COL21A1: variants seen among roughly 807,000 people sequenced by gnomAD.
The protein encoded by COL21A1 is collagen type XXI alpha 1 chain.
Under a neutral mutation model 137.9 loss-of-function variants are expected in COL21A1, and 149 were observed. The observed-to-expected ratio is 1.08, with a 90% CI of 0.95 to 1.24. The LOEUF is 1.24. Ranked by LOEUF, COL21A1 falls within the 50% of genes most tolerant of loss-of-function variation. COL21A1 has a pLI of 0.00. For synonymous variants in COL21A1, 456 were observed against 391.5 expected, an observed-to-expected ratio of 1.16 and a Z score of -1.95; for missense variants, 1,167 against 1,158.4, an observed-to-expected ratio of 1.01 and a Z score of -0.11.
chr6:56,264,196 A>T (rs1420938087), intron 1 of COL21A1, among the ~76,000 whole-genome samples: 1 of 152,244 alleles, frequency 6.6e-6, no homozygotes, highest in Non-Finnish European at 1.5e-5. Context: ...CAACATAAAC[A>T]TTTCAAATAA....
chr6:56,316,589 C>T (rs565518419), intron 1 of COL21A1, among the ~76,000 whole-genome samples: 1 of 134,994 alleles, frequency 7.4e-6, no homozygotes, highest in South Asian at 2.5e-4. Flanking sequence ...TCAAGTGATT[C>T]TTGTGCCTCC....
rs572377361 is a variant in COL21A1 at position 56,164,689 on chromosome 6, A to G, written c.1287+125T>C. 3.2e-5 allele frequency: 27 copies of G among 851,256 alleles called. No individual in the cohort carries two copies. In the African/African-American group the frequency reaches 3.9e-4, roughly 12 times the overall value. The allele number at this position is 851,256 out of a possible 1,614,324, so 52.7% of individuals were successfully genotyped here. On this transcript the variant is annotated intron_variant, in intron 8 of 29. Transcript: ENST00000244728. Reference sequence around the variant, plus strand: ...TCACAAAAATCTATAAATATTAAATACATTGAAGTTACATAAAAATGGGTT... The same window carrying G: ...TCACAAAAATCTATAAATATTAAATGCATTGAAGTTACATAAAAATGGGTT...
intron 17 of COL21A1, among the ~76,000 whole-genome samples, chr6:56,089,332 A>G (rs961249752): frequency 2.0e-5 from 3 of 152,176 alleles, no homozygotes; most frequent in Non-Finnish European, 4.4e-5. Context: ...AAATGGCACT[A>G]TGTATGTTCT....
intron 1 of COL21A1, among the ~76,000 whole-genome samples, chr6:56,264,946 A>T (rs1033693751): frequency 2.4e-4 from 36 of 152,192 alleles, no homozygotes; most frequent in African/African-American, 7.7e-4. Context: ...TTCTTCTACC[A>T]ATAGCAAAAA....
intron 1 of COL21A1, among the ~76,000 whole-genome samples, chr6:56,244,380 T>G (rs1182063264): frequency 1.3e-5 from 2 of 152,192 alleles, no homozygotes; most frequent in Non-Finnish European, 2.9e-5. Context: ...ATTTGATTAC[T>G]GAGAATCTGA....
intron 1 of COL21A1, among the ~76,000 whole-genome samples, chr6:56,308,564 G>A (rs1037330673): frequency 1.1e-4 from 17 of 152,186 alleles, no homozygotes; most frequent in African/African-American, 4.1e-4. Context: ...GTGGTTTCCA[G>A]GAACTGGGGA....
At chr6:56,093,785 T>C (rs1267410949) in intron 17 of COL21A1, among the ~76,000 whole-genome samples, 5 of 152,174 alleles carry the variant, frequency 3.3e-5, no homozygotes, top group Non-Finnish European at 7.3e-5. Context: ...TTTCTGCTGA[T>C]ATAACATTAT....
At chr6:56,202,231 G>A (rs553269197) in intron 1 of COL21A1, among the ~76,000 whole-genome samples, 45 of 152,236 alleles carry the variant, frequency 3.0e-4, no homozygotes, top group South Asian at 1.0e-3. Context: ...CAGGGGTAAA[G>A]GCATCATAGA....
intron 1 of COL21A1, among the ~76,000 whole-genome samples, chr6:56,344,541 TTCATG>T (rs1765545439): frequency 6.6e-6 from 1 of 152,212 alleles, no homozygotes; most frequent in Non-Finnish European, 1.5e-5. Flanking sequence ...CAGATTAAGA[TTCATG>T]TCATTTGTTT....
At chr6:56,166,876 T>C in intron 7 of COL21A1, 30 bp downstream of exon 7, 3 of 1,548,416 alleles carry the variant, frequency 1.9e-6, no homozygotes, top group Non-Finnish European at 8.9e-7. Context: ...TAAAGCAACA[T>C]CTGGGAAAAA....
chr6:56,081,975 T>C (rs913257449), intron 17 of COL21A1, among the ~76,000 whole-genome samples: 2 of 151,934 alleles, frequency 1.3e-5, no homozygotes, highest in African/African-American at 4.8e-5. Flanking sequence ...GGAAAAGCCA[T>C]TTGGAGGCCA....
At chr6:56,057,885 G>T in intron 29 of COL21A1, 41 bp from the exon 30 acceptor site, 1 of 1,357,548 alleles carries the variant, frequency 7.4e-7, no homozygotes. Context: ...GAGGACTTTA[G>T]TTTTTTATAA....
intron 2 of COL21A1, among the ~76,000 whole-genome samples, chr6:56,182,216 C>T (rs1777952370): frequency 6.6e-6 from 1 of 152,104 alleles, no homozygotes; most frequent in Admixed American, 6.5e-5. Context: ...TCCTGATAAC[C>T]AATCTAGAAG....
chr6:56,387,400 G>A (rs898920912), intron 1 of COL21A1, among the ~76,000 whole-genome samples: 2 of 152,050 alleles, frequency 1.3e-5, no homozygotes, highest in African/African-American at 4.8e-5. Context: ...TTGTCCCCCT[G>A]AAAGAACATC....
At chr6:56,072,059 G>A (rs115995378) in intron 20 of COL21A1, among the ~76,000 whole-genome samples, 3,504 of 151,666 alleles carry the variant, frequency 0.023, 72 homozygotes, top group East Asian at 0.056. Flanking sequence ...ACTTATAAGT[G>A]AGAACGTGTG....
intron 1 of COL21A1, among the ~76,000 whole-genome samples, chr6:56,234,044 ATTC>A (rs1353158032): frequency 6.6e-6 from 1 of 151,858 alleles, no homozygotes; most frequent in Non-Finnish European, 1.5e-5. Flanking sequence ...AAAGCAAACA[ATTC>A]CAAATAACAG....
intron 17 of COL21A1, among the ~76,000 whole-genome samples, chr6:56,078,934 A>T (rs978289444): frequency 5.3e-5 from 8 of 151,744 alleles, no homozygotes; most frequent in Admixed American, 4.6e-4. Flanking sequence ...CAATCACAGT[A>T]CACCTAATAA....
intron 1 of COL21A1, among the ~76,000 whole-genome samples, chr6:56,310,179 A>G (rs72870228): frequency 0.015 from 2,121 of 145,084 alleles, 22 homozygotes; most frequent in South Asian, 0.024. Flanking sequence ...GCAAAAAGAA[A>G]TGGAAGACGT....
intron 5 of COL21A1, among the ~76,000 whole-genome samples, chr6:56,168,931 C>G (rs1776813111): frequency 6.6e-6 from 1 of 151,968 alleles, no homozygotes; most frequent in African/African-American, 2.4e-5. Context: ...AATTCTAATA[C>G]TAGGTAGAAT....
Sources: gnomAD v4.1 joint callset for allele counts (sites outside exome capture counted in the v4.1 genomes callset) on GRCh38, gnomAD v4.1.1 for gene constraint, MANE v1.5 for transcripts, NCBI Gene and HGNC (gene_info 2026-07-23, HGNC 2026-07-21) for gene names.